GLYATL2: variants seen among roughly 807,000 people sequenced by gnomAD.
The protein encoded by GLYATL2 is glycine-N-acyltransferase like 2.
In GLYATL2, 25 loss-of-function variants were observed where a neutral mutation model predicts 21.4. The ratio of observed to expected loss-of-function variants is 1.17; its 90% confidence interval spans 0.85 to 1.63. The LOEUF (loss-of-function observed/expected upper bound fraction) is 1.63. Ranked by LOEUF, GLYATL2 falls within the 40% of genes most tolerant of loss-of-function variation. The pLI, the probability that GLYATL2 is intolerant of heterozygous loss-of-function variation, is 0.00. For synonymous variants in GLYATL2, 114 were observed against 118.2 expected, an observed-to-expected ratio of 0.96 and a Z score of 0.23; for missense variants, 361 against 343.3, an observed-to-expected ratio of 1.05 and a Z score of -0.41.
chr11:58,839,624 C>T lies in GLYATL2; in HGVS notation c.-12G>A. 5.7e-6 allele frequency: 9 copies of T among 1,592,286 alleles called. No homozygotes were observed. The highest frequency in any genetic ancestry group is 7.7e-6 in the Non-Finnish European group (9 of 1,164,600). ...TGAAGCACAAGCATCTTATGTAGCA[C>T]TTCAGCTTCTTTCCCTCAAGAAGAT... On this transcript the variant is annotated 5_prime_UTR_variant, in exon 2 of 6. It adds an upstream start codon to the 5' untranslated region. Coordinates refer to ENST00000287275, the MANE Select transcript of GLYATL2 (RefSeq NM_145016.4).
At chr11:58,862,863 ATAGT>A (rs1329575091) in intron 1 of GLYATL2, among the ~76,000 whole-genome samples, 3 of 151,490 alleles carry the variant, frequency 2.0e-5, no homozygotes, top group Non-Finnish European at 4.4e-5. Context: ...TTTTTCTCTG[ATAGT>A]TCTTGATATT....
At chr11:58,884,439 T>A (rs1854399747) in intron 1 of GLYATL2, among the ~76,000 whole-genome samples, 2 of 152,286 alleles carry the variant, frequency 1.3e-5, no homozygotes, top group South Asian at 4.1e-4. Flanking sequence ...GAGAGCCAAA[T>A]AATGAGTGAA....
At chr11:58,855,979 A>T (rs536128930) in intron 1 of GLYATL2, among the ~76,000 whole-genome samples, 1 of 152,174 alleles carries the variant, frequency 6.6e-6, no homozygotes, top group African/African-American at 2.4e-5. Flanking sequence ...AAAATAAAAA[A>T]AATCAGCCAG....
chr11:58,909,722 T>C, the GLYATL2 span, among the ~76,000 whole-genome samples: 1 of 152,150 alleles, frequency 6.6e-6, no homozygotes, highest in Non-Finnish European at 1.5e-5. Context: ...TCTAGACTGG[T>C]AAGGTAGTGT....
At chr11:58,907,140 G>GT, upstream of GLYATL2, 1 of 372,386 alleles carries the variant, frequency 2.7e-6, no homozygotes, top group Non-Finnish European at 5.4e-6. Context: ...GCCTTGGAAA[G>GT]TTTTCTCAGC....
intron 1 of GLYATL2, among the ~76,000 whole-genome samples, chr11:58,895,673 G>C (rs910901067): frequency 2.0e-5 from 3 of 152,032 alleles, no homozygotes; most frequent in Admixed American, 6.6e-5. Flanking sequence ...GGGAGTTTTC[G>C]GTAAGATTTT....
At chr11:58,838,095 C>A (rs903053339) in intron 3 of GLYATL2, among the ~76,000 whole-genome samples, 166 bp downstream of exon 3, 3 of 152,104 alleles carry the variant, frequency 2.0e-5, no homozygotes, top group Non-Finnish European at 2.9e-5. Context: ...TAAGTTCAAG[C>A]CTTATCTCAC....
chr11:58,894,476 CAAAA>C (rs1554980634), intron 1 of GLYATL2, among the ~76,000 whole-genome samples: 2 of 116,546 alleles, frequency 1.7e-5, no homozygotes, highest in Non-Finnish European at 1.7e-5. Flanking sequence ...GCAGCTATAG[CAAAA>C]AAAAAAAAAA....
intron 1 of GLYATL2, among the ~76,000 whole-genome samples, chr11:58,890,192 A>G (rs945515217): frequency 9.9e-5 from 15 of 152,154 alleles, no homozygotes; most frequent in Non-Finnish European, 1.5e-5. Context: ...GAGTGAGAAC[A>G]TGTGATATTT....
chr11:58,853,740 T>A (rs181550743), intron 1 of GLYATL2, among the ~76,000 whole-genome samples: 5 of 152,366 alleles, frequency 3.3e-5, no homozygotes, highest in Admixed American at 3.3e-4. Context: ...CATGATGTTT[T>A]AAAGTATGTA....
chr11:58,852,429 C>T (rs1204075821), intron 1 of GLYATL2, among the ~76,000 whole-genome samples: 1 of 152,212 alleles, frequency 6.6e-6, no homozygotes, highest in Non-Finnish European at 1.5e-5. Context: ...TTTTGAATAA[C>T]AATGACCTAC....
chr11:58,883,812 T>C (rs868099989), intron 1 of GLYATL2, among the ~76,000 whole-genome samples: 31 of 151,976 alleles, frequency 2.0e-4, no homozygotes, highest in Non-Finnish European at 2.2e-4. Context: ...GATGCAAAAA[T>C]CCTCAATAAA....
chr11:58,872,748 G>A (rs906294076), intron 1 of GLYATL2, among the ~76,000 whole-genome samples: 2 of 152,206 alleles, frequency 1.3e-5, no homozygotes, highest in Non-Finnish European at 2.9e-5. Flanking sequence ...TTTTGGCTTA[G>A]GATTGACTTG....
chr11:58,896,454 C>G (rs1285283555), intron 1 of GLYATL2, among the ~76,000 whole-genome samples: 2 of 152,344 alleles, frequency 1.3e-5, no homozygotes, highest in Non-Finnish European at 2.9e-5. Context: ...AAACCCACTC[C>G]TTTTGCGTCC....
intron 1 of GLYATL2, among the ~76,000 whole-genome samples, chr11:58,852,818 C>G (rs1853764834): frequency 6.6e-6 from 1 of 152,146 alleles, no homozygotes; most frequent in East Asian, 1.9e-4. Context: ...GGGGTTAAGC[C>G]TTCAACATGT....
At chr11:58,895,269 G>A (rs928479039) in intron 1 of GLYATL2, among the ~76,000 whole-genome samples, 2 of 152,190 alleles carry the variant, frequency 1.3e-5, no homozygotes, top group Non-Finnish European at 2.9e-5. Flanking sequence ...AGAGCACAAG[G>A]TAAGTCCAAA....
upstream of GLYATL2, among the ~76,000 whole-genome samples, chr11:58,905,920 C>G (rs757212762): frequency 6.6e-6 from 1 of 152,218 alleles, no homozygotes; most frequent in Non-Finnish European, 1.5e-5. Flanking sequence ...TGAGAGAAAA[C>G]AGCCTCCAGA....
chr11:58,885,170 C>T (rs571353585), intron 1 of GLYATL2: 1 of 158,382 alleles, frequency 6.3e-6, no homozygotes, highest in Non-Finnish European at 1.4e-5. Flanking sequence ...TAAATCCATA[C>T]AATGTAAGTG....
At chr11:58,901,172 G>A (rs1046230976) in intron 1 of GLYATL2, among the ~76,000 whole-genome samples, 4 of 152,152 alleles carry the variant, frequency 2.6e-5, no homozygotes, top group Non-Finnish European at 2.9e-5. Flanking sequence ...GCCCTGGGAG[G>A]GTCACAGAGA....
Sources: gnomAD v4.1 joint callset for allele counts (sites outside exome capture counted in the v4.1 genomes callset) on GRCh38, gnomAD v4.1.1 for gene constraint, MANE v1.5 for transcripts, NCBI Gene and HGNC (gene_info 2026-07-23, HGNC 2026-07-21) for gene names.